The following SPOCK3 variants were observed in gnomAD, a reference collection of about 807,000 sequenced individuals.
SPOCK3 encodes the protein SPARC (osteonectin), cwcv and kazal like domains proteoglycan 3, also known as testican-3.
SPOCK3 carries 30 observed loss-of-function variants against 56.6 expected under a neutral mutation model. The ratio of observed to expected loss-of-function variants is 0.53; its 90% CI spans 0.40 to 0.72. SPOCK3 has a LOEUF of 0.72. Ranked by LOEUF, SPOCK3 falls within the 30% of genes least tolerant of loss-of-function variation. The pLI is 0.00. For synonymous variants in SPOCK3, 196 were observed against 183.3 expected (o/e 1.07, Z -0.56); for missense variants, 527 against 530.0 (o/e 0.99, Z 0.06).
chr4:166,939,450 A>G (rs1248317636), intron 4 of SPOCK3, among the ~76,000 whole-genome samples: 2 of 152,176 alleles, frequency 1.3e-5, no homozygotes, highest in Non-Finnish European at 2.9e-5. Flanking sequence ...TCTTATGAAG[A>G]TAACAGTAGG....
At chr4:167,206,139 TGTG>T (rs1001613254) in intron 2 of SPOCK3, among the ~76,000 whole-genome samples, 2 of 151,816 alleles carry the variant, frequency 1.3e-5, no homozygotes, top group African/African-American at 2.4e-5. Context: ...GCCTAGCTAA[TGTG>T]GTGAAATTCC....
rs528548074 is a variant in SPOCK3, at chr4:166,828,551, T to C, written c.590-36262A>G. Among the ~76,000 whole-genome samples, 5 of 152,124 alleles carry C rather than the reference T, an allele frequency of 3.3e-5. No homozygotes were observed. The South Asian group carries it at 6.2e-4, about 19-fold the overall frequency. ...CCCAGAGTTGTCTCACAGTTTCATATTACTTATCTCCCAAGGCACACACAC... is the reference window on the plus strand; with the variant it reads ...CCCAGAGTTGTCTCACAGTTTCATACTACTTATCTCCCAAGGCACACACAC... On this transcript the variant is annotated intron_variant, in intron 6 of 10. Coordinates refer to ENST00000357545, the MANE Select transcript of SPOCK3 (RefSeq NM_001040159.2).
In SPOCK3 at chr4:166,734,937, T is replaced by C. The variant is rs1283956740; in HGVS notation, c.1286A>G (p.His429Arg). 4 of 1,553,634 alleles carry C rather than the reference T, an allele frequency of 2.6e-6. No homozygotes were observed. In the East Asian group the frequency reaches 6.8e-5, roughly 26 times the overall value. The change falls in exon 11 of 11, where the codon CAT (histidine) becomes CGT (arginine). Residue 429 changes from histidine to arginine, a missense_variant. By Grantham distance (29) the His-to-Arg change is conservative. Coordinates refer to ENST00000357545, the MANE Select transcript of SPOCK3 (RefSeq NM_001040159.2). ...EGDDDDGGDD[H>R]DVYI ...TGTCATCAATCAAATGTATACATCA[T>C]GGTCATCACCACCATCATCATCATC...
chr4:166,865,043 T>A (rs776058521), intron 6 of SPOCK3, among the ~76,000 whole-genome samples: 3 of 152,104 alleles, frequency 2.0e-5, no homozygotes, highest in Admixed American at 6.6e-5. Flanking sequence ...AATAAAACAC[T>A]GGCAAGCCAA....
intron 4 of SPOCK3, among the ~76,000 whole-genome samples, chr4:166,944,307 C>T (rs1190503976): frequency 2.0e-5 from 3 of 151,908 alleles, no homozygotes; most frequent in Non-Finnish European, 4.4e-5. Context: ...CCCAATATGT[C>T]TGTATTTCTT....
chr4:166,963,823 C>T (rs1744414010), intron 4 of SPOCK3, among the ~76,000 whole-genome samples: 1 of 151,722 alleles, frequency 6.6e-6, no homozygotes, highest in African/African-American at 2.4e-5. Context: ...TTTATTTTCT[C>T]CTGACTTTCA....
chr4:167,106,910 A>AATAG (rs1245355948), intron 2 of SPOCK3, among the ~76,000 whole-genome samples: 1 of 151,924 alleles, frequency 6.6e-6, no homozygotes, highest in Non-Finnish European at 1.5e-5. Flanking sequence ...ATCTAGGAGA[A>AATAG]ATAGATAAAT....
At chr4:167,133,922 A>C (rs1183142862) in intron 2 of SPOCK3, among the ~76,000 whole-genome samples, 1 of 152,202 alleles carries the variant, frequency 6.6e-6, no homozygotes, top group Non-Finnish European at 1.5e-5. Context: ...TGTTCTTCAA[A>C]ATAAGCACAG....
chr4:166,820,918 A>G (rs570004306), intron 6 of SPOCK3, among the ~76,000 whole-genome samples: 1 of 152,168 alleles, frequency 6.6e-6, no homozygotes, highest in East Asian at 1.9e-4. Context: ...CTACAAAACC[A>G]AAAACACTAT....
intron 2 of SPOCK3, among the ~76,000 whole-genome samples, chr4:167,099,276 T>C (rs1235886079): frequency 6.6e-6 from 1 of 152,000 alleles, no homozygotes; most frequent in African/African-American, 2.4e-5. Context: ...GATTTTAAGT[T>C]ATTTATATAT....
chr4:167,074,748 G>A (rs1440233260), intron 2 of SPOCK3, among the ~76,000 whole-genome samples: 2 of 151,842 alleles, frequency 1.3e-5, no homozygotes, highest in Non-Finnish European at 1.5e-5. Flanking sequence ...GGAGGGCGAG[G>A]AGTTGCTGGA....
chr4:166,950,214 A>G (rs984800851), intron 4 of SPOCK3, among the ~76,000 whole-genome samples: 11 of 151,922 alleles, frequency 7.2e-5, no homozygotes, highest in African/African-American at 2.7e-4. Context: ...AGACACACAT[A>G]GGCTCAAAAT....
chr4:167,196,674 C>G (rs531145011), intron 2 of SPOCK3, among the ~76,000 whole-genome samples: 1 of 152,128 alleles, frequency 6.6e-6, no homozygotes, highest in Admixed American at 6.6e-5. Context: ...GTTCAGGGTT[C>G]TCTTCTGAGC....
At chr4:167,015,710 A>G (rs934062030) in intron 3 of SPOCK3, among the ~76,000 whole-genome samples, 8 of 152,180 alleles carry the variant, frequency 5.3e-5, no homozygotes, top group African/African-American at 1.9e-4. Context: ...ATTGACTGCC[A>G]TCTACTTAGG....
chr4:166,900,925 C>A (rs910965775), intron 5 of SPOCK3, among the ~76,000 whole-genome samples: 2 of 152,176 alleles, frequency 1.3e-5, no homozygotes, highest in African/African-American at 4.8e-5. Flanking sequence ...AAGATACATT[C>A]ATGAGCTTTT....
At chr4:166,820,059 A>T (rs1278491043) in intron 6 of SPOCK3, among the ~76,000 whole-genome samples, 1 of 152,072 alleles carries the variant, frequency 6.6e-6, no homozygotes, top group Non-Finnish European at 1.5e-5. Context: ...TTCTCTTCAA[A>T]TTCATGTACA....
chr4:166,954,640 T>G (rs1393949225), intron 4 of SPOCK3, among the ~76,000 whole-genome samples: 4 of 152,222 alleles, frequency 2.6e-5, no homozygotes, highest in African/African-American at 9.6e-5. Flanking sequence ...TTCTGGGCTC[T>G]CTATTCTAGT....
At chr4:166,799,866 A>C (rs1441105499) in intron 6 of SPOCK3, among the ~76,000 whole-genome samples, 2 of 152,086 alleles carry the variant, frequency 1.3e-5, no homozygotes, top group African/African-American at 4.8e-5. Context: ...AAAGCTTTGC[A>C]GACCTCAACA....
chr4:166,905,082 A>G (rs1259295291), intron 5 of SPOCK3, among the ~76,000 whole-genome samples: 1 of 152,016 alleles, frequency 6.6e-6, no homozygotes, highest in Non-Finnish European at 1.5e-5. Flanking sequence ...ATTATAAAAA[A>G]AGTCTTGTAA....
Sources: allele counts gnomAD v4.1 joint callset (sites outside exome capture counted in the v4.1 genomes callset), GRCh38; gene constraint gnomAD v4.1.1; transcripts MANE v1.5; gene names NCBI Gene and HGNC (gene_info 2026-07-23, HGNC 2026-07-21).